Variants in CNGB3 observed in about 807,000 individuals in gnomAD.
CNGB3 encodes the protein cyclic nucleotide gated channel subunit beta 3, also known as cyclic nucleotide-gated channel beta-3.
In CNGB3, 86 loss-of-function variants were observed where a neutral mutation model predicts 92.8. The ratio of observed to expected loss-of-function variants is 0.93; its 90% confidence interval spans 0.78 to 1.11. The LOEUF (loss-of-function observed/expected upper bound fraction) is 1.11, where lower values mean the gene tolerates loss of function less well. CNGB3 is among the 50% of genes least tolerant of loss of function. The pLI is 0.00. For synonymous variants in CNGB3, 333 were observed against 332.7 expected (o/e 1.00, Z -0.01); for missense variants, 1,026 against 956.8 (o/e 1.07, Z -0.95).
chr8:86,583,900 T>C (rs111543773), intron 15 of CNGB3, among the ~76,000 whole-genome samples: 56 of 109,402 alleles, frequency 5.1e-4, no homozygotes, highest in African/African-American at 2.0e-3. Flanking sequence ...CCAGACTGGG[T>C]GACAGAGTGA....
At chr8:86,583,921 CAAAAAAA>C (rs71574285) in intron 15 of CNGB3, among the ~76,000 whole-genome samples, 7 of 61,184 alleles carry the variant, frequency 1.1e-4, no homozygotes, top group South Asian at 2.0e-3. Context: ...GACCTTGTCT[CAAAAAAA>C]AAAAAAAAAA....
intron 6 of CNGB3, among the ~76,000 whole-genome samples, chr8:86,661,008 G>A (rs561969235): frequency 4.6e-5 from 7 of 152,138 alleles, no homozygotes; most frequent in South Asian, 4.2e-4. Context: ...CTCTCAGATC[G>A]CCTCCTCCCT....
At chr8:86,725,619 G>A (rs1026891204) in intron 3 of CNGB3, among the ~76,000 whole-genome samples, 1 of 152,098 alleles carries the variant, frequency 6.6e-6, no homozygotes, top group African/African-American at 2.4e-5. Flanking sequence ...TATCGAAAAG[G>A]CATTCTCTGT....
At chr8:86,685,498 C>T (rs1033719042) in intron 3 of CNGB3, among the ~76,000 whole-genome samples, 26 of 152,124 alleles carry the variant, frequency 1.7e-4, no homozygotes, top group African/African-American at 5.8e-4. Flanking sequence ...GCCACACTTC[C>T]TCCCCCACAA....
intron 3 of CNGB3, among the ~76,000 whole-genome samples, chr8:86,694,629 G>C (rs572362982): frequency 3.3e-5 from 5 of 151,610 alleles, no homozygotes; most frequent in South Asian, 2.1e-4. Flanking sequence ...ACAGGGTCGC[G>C]GCCGGGCAGA....
At chr8:86,608,927 C>A (rs1429128264) in intron 14 of CNGB3, among the ~76,000 whole-genome samples, 7 of 152,162 alleles carry the variant, frequency 4.6e-5, no homozygotes, top group African/African-American at 1.7e-4. Context: ...TAGTGGTCCC[C>A]CGGGCCCAGC....
At chr8:86,639,592 C>T (rs1189156617) in intron 10 of CNGB3, among the ~76,000 whole-genome samples, 1 of 151,852 alleles carries the variant, frequency 6.6e-6, no homozygotes, top group Non-Finnish European at 1.5e-5. Context: ...TTATAGGTCA[C>T]CAGGACCATC....
chr8:86,591,357 G>A lies in CNGB3; in HGVS notation c.1782-12105C>T, dbSNP rs368812878. On this transcript the variant is annotated intron_variant, in intron 15 of 17. Transcript: ENST00000320005. ...TCTCAGCTCGTCAAAGTCATTCTCC[G>A]TCCAGCTTTGTTCCATTGCTGGTGA... Among the ~76,000 whole-genome samples, 381 of 151,872 alleles carry A rather than the reference G, an allele frequency of 2.5e-3. 1 individual carries two copies. The highest frequency in any genetic ancestry group is 6.8e-3 in the Admixed American group (103 of 15,216).
At chr8:86,629,783 A>G (rs1003024440) in intron 11 of CNGB3, among the ~76,000 whole-genome samples, 5 of 152,198 alleles carry the variant, frequency 3.3e-5, no homozygotes, top group African/African-American at 9.6e-5. Context: ...TTGGATGTTT[A>G]TAACTCACCC....
Position 86,671,106 on chromosome 8 carries a change from A to G in CNGB3, c.339-8T>C, listed in dbSNP as rs1823852903. The G allele has an allele frequency of 6.2e-7, 1 of 1,613,170 alleles. No homozygotes were observed. The highest frequency in any genetic ancestry group is 8.5e-7 in the Non-Finnish European group (1 of 1,179,924). ...GGCGGTTTGTTTTGTGGGCTAAATG[A>G]GAAAAAAAATGGCAATAGAGATGGG... is the stretch of plus-strand genomic sequence containing the variant. On this transcript the variant is annotated splice_polypyrimidine_tract_variant and splice_region_variant and intron_variant, in intron 3 of 17. Coordinates refer to ENST00000320005, the MANE Select transcript of CNGB3 (RefSeq NM_019098.5).
At chr8:86,590,730 C>G (rs2131545882) in intron 15 of CNGB3, among the ~76,000 whole-genome samples, 1 of 144,930 alleles carries the variant, frequency 6.9e-6, no homozygotes, top group East Asian at 2.0e-4. Context: ...GATGGGCTTC[C>G]CTTTGAGGGT....
chr8:86,604,827 T>A (rs1230006272), intron 14 of CNGB3, among the ~76,000 whole-genome samples: 1 of 152,346 alleles, frequency 6.6e-6, no homozygotes, highest in South Asian at 2.1e-4. Context: ...AATGTTCACA[T>A]AGCCACTGGT....
At chr8:86,652,466 A>G (rs1209099525) in intron 7 of CNGB3, among the ~76,000 whole-genome samples, 1 of 152,060 alleles carries the variant, frequency 6.6e-6, no homozygotes, top group Non-Finnish European at 1.5e-5. Flanking sequence ...TTGAATTTTT[A>G]AAAACTTTTT....
At chr8:86,588,891 T>A (rs1821958122) in intron 15 of CNGB3, among the ~76,000 whole-genome samples, 1 of 151,670 alleles carries the variant, frequency 6.6e-6, no homozygotes, top group Admixed American at 6.6e-5. Flanking sequence ...TTCTATTGAT[T>A]GGAATAGTTT....
chr8:86,726,807 A>T, intron 2 of CNGB3, 150 bp from the exon 3 acceptor site: 1 of 853,676 alleles, frequency 1.2e-6, no homozygotes, highest in Non-Finnish European at 1.9e-6. Flanking sequence ...ACAAAGTAGG[A>T]CTTTATGCAG....
chr8:86,703,545 C>G (rs1049191472), intron 3 of CNGB3, among the ~76,000 whole-genome samples: 1 of 152,136 alleles, frequency 6.6e-6, no homozygotes, highest in Non-Finnish European at 1.5e-5. Context: ...CACTAGAGGG[C>G]AGTGTGAGTG....
chr8:86,634,983 GTTCC>G (rs1823035353), intron 10 of CNGB3, among the ~76,000 whole-genome samples: 1 of 148,450 alleles, frequency 6.7e-6, no homozygotes, highest in Non-Finnish European at 1.5e-5. Flanking sequence ...TTTTAACCTA[GTTCC>G]TTGTTATAGG....
chr8:86,714,865 A>G (rs1824820682), intron 3 of CNGB3, among the ~76,000 whole-genome samples: 1 of 152,012 alleles, frequency 6.6e-6, no homozygotes, highest in Admixed American at 6.6e-5. Flanking sequence ...GAGGCCTGTG[A>G]CTGCTTTCCC....
Position 86,632,799 on chromosome 8 carries a change from A to G in CNGB3, c.1273T>C (p.Leu425=), listed in dbSNP as rs749145455. Reference sequence around the variant, plus strand: ...ACAAAAACTCCAGAAAAAAAATTCAAGAGTTGAAAAACAATTTCAAATAAA... The same window carrying G: ...ACAAAAACTCCAGAAAAAAAATTCAGGAGTTGAAAAACAATTTCAAATAAA... ...QTLFEIVFQL[L]NFFSGVFVFS... Residue 425 remains leucine (L), a synonymous_variant, in exon 11 of 18, where the codon TTG becomes CTG. Coordinates refer to ENST00000320005, the MANE Select transcript of CNGB3 (RefSeq NM_019098.5). 1.7e-5 allele frequency: 28 copies of G among 1,613,092 alleles called. No homozygotes were observed. The highest frequency in any genetic ancestry group is 6.6e-5 in the South Asian group (6 of 91,036).
Sources: gnomAD v4.1 joint callset for allele counts (sites outside exome capture counted in the v4.1 genomes callset) on GRCh38, gnomAD v4.1.1 for gene constraint, MANE v1.5 for transcripts, NCBI Gene and HGNC (gene_info 2026-07-23, HGNC 2026-07-21) for gene names.